The following XKR6 variants were observed in gnomAD, a reference collection of about 807,000 sequenced individuals.
XKR6 encodes the protein XK related 6.
XKR6 carries 22 observed loss-of-function variants against 56.7 expected under a neutral mutation model. That is an observed-to-expected ratio of 0.39 (90% CI 0.28 to 0.55). The LOEUF is 0.55. XKR6 is among the 20% of genes least tolerant of loss of function. The pLI is 0.66. For synonymous variants in XKR6, 524 were observed against 387.8 expected (o/e 1.35, Z -4.13); for missense variants, 852 against 889.0 (o/e 0.96, Z 0.53).
chr8:10,933,839 C>G (rs1305436842), intron 1 of XKR6, among the ~76,000 whole-genome samples: 1 of 124,714 alleles, frequency 8.0e-6, no homozygotes, highest in Non-Finnish European at 1.7e-5. Context: ...TGTGATGCCT[C>G]CAGCTTTGTT....
At chr8:10,949,187 C>A (rs1801641518) in intron 1 of XKR6, among the ~76,000 whole-genome samples, 1 of 152,224 alleles carries the variant, frequency 6.6e-6, no homozygotes. Context: ...GAGCAAATCA[C>A]CCCCCTACTC....
Position 10,932,099 on chromosome 8 carries a change from C to T in XKR6, c.765-7269G>A, listed in dbSNP as rs532932937. Among the ~76,000 whole-genome samples, 23 of 152,218 alleles carry T rather than the reference C, an allele frequency of 1.5e-4. No homozygotes were observed. The East Asian group carries it at 1.9e-3, about 13-fold the overall frequency. ...TAAACATGGGGAGAAGGGAGCTCAA[C>T]GTTACAAGTAAATAGGGAAATGTAT... On this transcript the variant is annotated intron_variant, in intron 1 of 2. Coordinates refer to ENST00000416569, the MANE Select transcript of XKR6 (RefSeq NM_173683.4).
At chr8:11,037,520 C>T (rs1027615641) in intron 1 of XKR6, among the ~76,000 whole-genome samples, 50 of 152,244 alleles carry the variant, frequency 3.3e-4, no homozygotes, top group South Asian at 4.1e-4. Context: ...CCACTGCACC[C>T]AGCCTCAATG....
chr8:11,136,431 G>A (rs1800401703), intron 1 of XKR6, among the ~76,000 whole-genome samples: 1 of 152,074 alleles, frequency 6.6e-6, no homozygotes, highest in African/African-American at 2.4e-5. Flanking sequence ...TTGAACCCGG[G>A]GGGCGGAGGT....
Position 11,063,661 on chromosome 8 carries a change from G to GT in XKR6, c.764+136914dup, listed in dbSNP as rs529818412. Among the ~76,000 whole-genome samples the GT allele has an allele frequency of 1.7e-4, 26 of 152,334 alleles. No individual in the cohort carries two copies. In the East Asian group the frequency reaches 3.9e-3, roughly 23 times the overall value. On this transcript the variant is annotated intron_variant, in intron 1 of 2. Coordinates refer to ENST00000416569, the MANE Select transcript of XKR6 (RefSeq NM_173683.4). The stretch of plus-strand genomic sequence containing the variant: ...CCTGGCTTGGGTAGGGGAGGTACCA[G>GT]TAAGGGTTAAATTTTAATATATGGG...
intron 1 of XKR6, among the ~76,000 whole-genome samples, chr8:11,090,382 C>T (rs925050322): frequency 6.6e-6 from 1 of 151,294 alleles, no homozygotes; most frequent in South Asian, 2.1e-4. Flanking sequence ...GCCACTGCAC[C>T]CACTTCCAGT....
At chr8:10,938,887 A>G (rs913588700) in intron 1 of XKR6, among the ~76,000 whole-genome samples, 1 of 152,200 alleles carries the variant, frequency 6.6e-6, no homozygotes, top group African/African-American at 2.4e-5. Context: ...AGAATCTTAA[A>G]TTTTTAAAAA....
intron 1 of XKR6, among the ~76,000 whole-genome samples, chr8:11,054,110 C>T (rs1317460713): frequency 2.0e-5 from 3 of 152,072 alleles, no homozygotes; most frequent in Non-Finnish European, 4.4e-5. Context: ...GTGAAAGTTC[C>T]AAGCATGCAC....
chr8:10,915,021 C>G (rs1045218052), intron 2 of XKR6, among the ~76,000 whole-genome samples: 2 of 152,242 alleles, frequency 1.3e-5, no homozygotes, highest in African/African-American at 4.8e-5. Flanking sequence ...TTCGTGGTCT[C>G]CCTGTTGAAG....
intron 1 of XKR6, among the ~76,000 whole-genome samples, chr8:11,083,511 T>C (rs948627657): frequency 6.6e-6 from 1 of 152,174 alleles, no homozygotes; most frequent in African/African-American, 2.4e-5. Context: ...CACCCCCCGT[T>C]GAGCTATTCC....
Position 10,896,743 on chromosome 8 carries a change from T to G in XKR6, c.*1209A>C, listed in dbSNP as rs1173705416. 6.8e-6 allele frequency: 1 copy of G among 147,040 alleles called. No homozygotes were observed. Among genetic ancestry groups the G allele is most frequent in the Non-Finnish European group, 1.5e-5 (1 of 67,038 alleles). 9.1% of individuals were successfully genotyped at this position (147,040 alleles called of 1,614,324 possible). On this transcript the variant is annotated 3_prime_UTR_variant, in exon 3 of 3. Transcript: ENST00000416569. Reference sequence around the variant, plus strand: ...ATATATATGTATATATATATATATATTCTAGTTTTCCTCTTTGTGTTATTT... The same window carrying G: ...ATATATATGTATATATATATATATAGTCTAGTTTTCCTCTTTGTGTTATTT...
intron 1 of XKR6, among the ~76,000 whole-genome samples, chr8:10,957,327 C>T (rs189046706): frequency 4.6e-5 from 7 of 152,278 alleles, no homozygotes; most frequent in South Asian, 2.1e-4. Flanking sequence ...TCCTAGGCAA[C>T]GGATTCAGGC....
At chr8:11,192,771 T>C (rs935254770) in intron 1 of XKR6, among the ~76,000 whole-genome samples, 2 of 152,172 alleles carry the variant, frequency 1.3e-5, no homozygotes, top group Non-Finnish European at 2.9e-5. Flanking sequence ...GAGTCTGTAG[T>C]AAGGCCTGGA....
intron 1 of XKR6, among the ~76,000 whole-genome samples, chr8:11,098,602 T>G (rs1046297205): frequency 6.6e-6 from 1 of 152,182 alleles, no homozygotes; most frequent in African/African-American, 2.4e-5. Context: ...TGGTCATGCA[T>G]GTTTGAATTA....
At position 11,069,456 on chromosome 8, in the gene XKR6, G is replaced by A. The variant is rs536104154; in HGVS notation, c.764+131120C>T. Among the ~76,000 whole-genome samples, 318 of 152,188 alleles carry A rather than the reference G, an allele frequency of 2.1e-3. 7 individuals carry two copies. Among genetic ancestry groups the A allele is most frequent in the South Asian group, 0.018 (87 of 4,814 alleles). ...GCCAGAGCCTGTGTTGCCACACCTCGGGGTCATACAGGCTTCAGCTCACAT... is the reference window on the plus strand; with the variant it reads ...GCCAGAGCCTGTGTTGCCACACCTCAGGGTCATACAGGCTTCAGCTCACAT... On this transcript the variant is annotated intron_variant, in intron 1 of 2. Coordinates refer to ENST00000416569, the MANE Select transcript of XKR6 (RefSeq NM_173683.4).
rs561885065 is a variant in XKR6 at position 11,180,377 on chromosome 8, T to A, written c.764+20199A>T. ...AATGTTTGGACTAAAAAATTCTTTG[T>A]GGTGAGAGCCTCTCCTTGTATCATA... On this transcript the variant is annotated intron_variant, in intron 1 of 2. Transcript: ENST00000416569. Among the ~76,000 whole-genome samples, 6 of 152,302 alleles carry A rather than the reference T, an allele frequency of 3.9e-5. No homozygotes were observed. In the South Asian group the frequency reaches 1.2e-3, roughly 32 times the overall value.
At chr8:11,084,227 A>T (rs1797812749) in intron 1 of XKR6, among the ~76,000 whole-genome samples, 1 of 152,242 alleles carries the variant, frequency 6.6e-6, no homozygotes, top group African/African-American at 2.4e-5. Context: ...GACTTCAACC[A>T]CTGATATCTA....
At chr8:11,040,222 G>A (rs912413603) in intron 1 of XKR6, among the ~76,000 whole-genome samples, 3 of 151,896 alleles carry the variant, frequency 2.0e-5, no homozygotes, top group African/African-American at 4.8e-5. Context: ...CCAAGGCTCC[G>A]GCCCTGCCTC....
At chr8:11,080,530 G>A (rs561460371) in intron 1 of XKR6, among the ~76,000 whole-genome samples, 1 of 152,346 alleles carries the variant, frequency 6.6e-6, no homozygotes, top group African/African-American at 2.4e-5. Context: ...GAGATGTAAA[G>A]TCAACACTTG....
Sources: allele counts gnomAD v4.1 joint callset (sites outside exome capture counted in the v4.1 genomes callset), GRCh38; gene constraint gnomAD v4.1.1; transcripts MANE v1.5; gene names NCBI Gene and HGNC (gene_info 2026-07-23, HGNC 2026-07-21).